RPN2: variants seen among roughly 807,000 people sequenced by gnomAD.
The protein encoded by RPN2 is dolichyl-diphosphooligosaccharide--protein glycosyltransferase subunit 2.
A neutral mutation model predicts 71.4 loss-of-function variants in RPN2; 29 were observed. That is an observed-to-expected ratio of 0.41 (90% CI 0.30 to 0.55). The LOEUF (loss-of-function observed/expected upper bound fraction) is 0.55, where lower values mean the gene tolerates loss of function less well. RPN2 is among the 20% of genes least tolerant of loss of function. The pLI is 0.35. For missense variants in RPN2, 726 were observed against 774.1 expected, an observed-to-expected ratio of 0.94 and a Z score of 0.74; for synonymous variants, 308 against 305.0, an observed-to-expected ratio of 1.01 and a Z score of -0.10.
At chr20:37,201,756 T>A (rs947926547) in intron 4 of RPN2, among the ~76,000 whole-genome samples, 2 of 152,178 alleles carry the variant, frequency 1.3e-5, no homozygotes, top group African/African-American at 4.8e-5. Context: ...TAATTTGCGC[T>A]ATTAAAGGCA....
At chr20:37,201,281 C>CT (rs373838278) in intron 4 of RPN2, among the ~76,000 whole-genome samples, 73,696 of 105,106 alleles carry the variant, frequency 0.7, 27,382 homozygotes, top group Middle Eastern at 0.81. Flanking sequence ...AGGTCATAAG[C>CT]TTTTTTTTTT....
chr20:37,225,934 TC>T (rs1475949235), intron 11 of RPN2, 132 bp downstream of exon 11: 9 of 718,290 alleles, frequency 1.3e-5, no homozygotes, highest in Non-Finnish European at 2.0e-5. Context: ...ACCCTGACAG[TC>T]CATCAGGTTC....
At chr20:37,226,935 T>G (rs1189656488) in intron 11 of RPN2, among the ~76,000 whole-genome samples, 2 of 152,216 alleles carry the variant, frequency 1.3e-5, no homozygotes, top group African/African-American at 4.8e-5. Flanking sequence ...ACCGATGCTT[T>G]AGCAAGGACC....
chr20:37,196,099 G>T (rs1015818055), intron 2 of RPN2, among the ~76,000 whole-genome samples: 1 of 151,712 alleles, frequency 6.6e-6, no homozygotes, highest in East Asian at 1.9e-4. Context: ...TCACTCTGTC[G>T]TCCAGGCTGG....
At chr20:37,217,528 T>C (rs2067842215) in intron 9 of RPN2, among the ~76,000 whole-genome samples, 4 of 151,882 alleles carry the variant, frequency 2.6e-5, no homozygotes, top group African/African-American at 9.7e-5. Flanking sequence ...CTTGACCTTG[T>C]GATCCGCCTG....
At chr20:37,200,620 C>A in intron 4 of RPN2, 1 of 412,404 alleles carries the variant, frequency 2.4e-6, no homozygotes, top group South Asian at 1.9e-5. Flanking sequence ...GGACAGGGTT[C>A]ACAGGCAATT....
intron 11 of RPN2, among the ~76,000 whole-genome samples, chr20:37,227,578 A>G (rs2068110536): frequency 6.6e-6 from 1 of 152,202 alleles, no homozygotes; most frequent in African/African-American, 2.4e-5. Flanking sequence ...GTTCAGGTAT[A>G]GATTAACACA....
intron 16 of RPN2, chr20:37,238,402 G>A (rs1489014722): frequency 1.2e-6 from 2 of 1,608,348 alleles, no homozygotes; most frequent in Non-Finnish European, 1.7e-6. Flanking sequence ...CCTTTGGCAG[G>A]ATCGCTGCAG....
chr20:37,212,280 A>G (rs1568982455), intron 8 of RPN2, among the ~76,000 whole-genome samples: 1 of 152,022 alleles, frequency 6.6e-6, no homozygotes, highest in African/African-American at 2.4e-5. Flanking sequence ...CTCTGTCTCA[A>G]AAACAAAAAC....
intron 8 of RPN2, among the ~76,000 whole-genome samples, chr20:37,213,039 T>C (rs867901197): frequency 6.6e-6 from 1 of 152,222 alleles, no homozygotes; most frequent in African/African-American, 2.4e-5. Context: ...TATGTCCTTT[T>C]TGAGAAATTC....
intron 8 of RPN2, among the ~76,000 whole-genome samples, chr20:37,212,724 G>T (rs955888182): frequency 3.3e-5 from 5 of 152,008 alleles, no homozygotes; most frequent in Non-Finnish European, 7.4e-5. Flanking sequence ...AAAGTGACCC[G>T]CCTGCCTTGG....
intron 12 of RPN2, 127 bp downstream of exon 12, chr20:37,228,871 G>A: frequency 1.2e-6 from 1 of 854,800 alleles, no homozygotes; most frequent in Non-Finnish European, 1.9e-6. Context: ...AAGCTTGGGA[G>A]GTGAGGCACT....
At chr20:37,208,100 T>A (rs766810385) in intron 7 of RPN2, among the ~76,000 whole-genome samples, 19 of 151,930 alleles carry the variant, frequency 1.3e-4, no homozygotes, top group Admixed American at 3.9e-4. Context: ...TGAAACCCCA[T>A]CTCTACTAAG....
At chr20:37,202,989 A>G (rs907220687) in intron 4 of RPN2, among the ~76,000 whole-genome samples, 1 of 152,106 alleles carries the variant, frequency 6.6e-6, no homozygotes, top group African/African-American at 2.4e-5. Flanking sequence ...CGGTGGTGCA[A>G]TCACAGCTCA....
At chr20:37,204,431 A>T (rs758819214) in intron 5 of RPN2, among the ~76,000 whole-genome samples, 2 of 152,170 alleles carry the variant, frequency 1.3e-5, no homozygotes, top group Non-Finnish European at 2.9e-5. Flanking sequence ...CTGTGTCATG[A>T]TGCTTCCTGG....
chr20:37,238,482 A>G lies in RPN2; in HGVS notation c.1883+1773A>G, dbSNP rs754677499. ...TGAAGGGCGGACTCATCCCAGAAGC[A>G]GGGTCCCTTCCCCGTCTTGCCCGCC... On this transcript the variant is annotated intron_variant, in intron 16 of 16. Transcript: ENST00000237530. 8 of 1,541,548 alleles carry G rather than the reference A, an allele frequency of 5.2e-6. 1 individual carries two copies. The South Asian group carries it at 9.2e-5, about 18-fold the overall frequency.
intron 2 of RPN2, among the ~76,000 whole-genome samples, chr20:37,193,181 C>T (rs566717523): frequency 4.1e-4 from 63 of 152,228 alleles, no homozygotes; most frequent in African/African-American, 1.5e-3. Flanking sequence ...TCTGCATCAC[C>T]CTAATCTCAC....
chr20:37,241,479 C>A lies in RPN2; in HGVS notation c.*164C>A. 2 of 750,190 alleles carry A rather than the reference C, an allele frequency of 2.7e-6. No homozygotes were observed. The highest frequency in any genetic ancestry group is 1.8e-5 in the African/African-American group (1 of 56,254). The allele number at this position is 750,190 out of a possible 1,614,324, so 46.5% of individuals were successfully genotyped here. A position where few individuals can be genotyped will look rare whatever the true frequency, so the allele number is the denominator to read the frequency against. ...CTTGTTTTTCAGTTTCCCCAACACA[C>A]AGCAGATACCTGGTGAGCTCAGATA... On this transcript the variant is annotated 3_prime_UTR_variant, in exon 17 of 17. Coordinates refer to ENST00000237530, the MANE Select transcript of RPN2 (RefSeq NM_002951.5).
At chr20:37,230,611 G>C (rs147312002) in intron 13 of RPN2, among the ~76,000 whole-genome samples, 3 of 152,274 alleles carry the variant, frequency 2.0e-5, no homozygotes, top group Admixed American at 6.5e-5. Context: ...TTGGATACTG[G>C]TTAAGGAAAC....
Sources: allele counts gnomAD v4.1 joint callset (sites outside exome capture counted in the v4.1 genomes callset), GRCh38; gene constraint gnomAD v4.1.1; transcripts MANE v1.5; gene names NCBI Gene and HGNC (gene_info 2026-07-23, HGNC 2026-07-21).